The following RAB31 variants were observed in gnomAD, a reference collection of about 807,000 sequenced individuals.
The protein encoded by RAB31 is RAB31, member RAS oncogene family, also known as ras-related protein Rab-31.
Under a neutral mutation model 25.6 loss-of-function variants are expected in RAB31, and 21 were observed. The observed-to-expected ratio is 0.82, with a 90% CI of 0.58 to 1.18. The LOEUF is 1.18. Ranked by LOEUF, RAB31 falls within the 50% of genes most tolerant of loss-of-function variation. The probability of loss-of-function intolerance (pLI) is 0.00; values close to 1 mark genes in which losing one functional copy is unlikely to be tolerated. For missense variants in RAB31, 196 were observed against 250.1 expected (o/e 0.78, Z 1.46); for synonymous variants, 87 against 84.0 (o/e 1.04, Z -0.20).
chr18:9,840,033 C>T (rs1301169675), intron 5 of RAB31, among the ~76,000 whole-genome samples: 4 of 152,168 alleles, frequency 2.6e-5, no homozygotes, highest in Non-Finnish European at 5.9e-5. Flanking sequence ...AGCTGGCCAC[C>T]GCTGCTGCTT....
rs768948735 is a variant in RAB31, at chr18:9,708,462, C to A, written c.39+18C>A. 6.4e-7 allele frequency: 1 copy of A among 1,552,956 alleles called. No homozygotes were observed. Among genetic ancestry groups the A allele is most frequent in the Non-Finnish European group, 8.7e-7 (1 of 1,151,238 alleles). The stretch of plus-strand genomic sequence containing the variant: ...TTCTCGGGGTGAGTCCTGGCCGCCA[C>A]CCGCCGGCGGACCCCGGCCCGCGCT... On this transcript the variant is annotated intron_variant, in intron 1 of 6. Coordinates refer to ENST00000578921, the MANE Select transcript of RAB31 (RefSeq NM_006868.4). This position sits in a 1 kb window ranked among gnomAD's most constrained non-coding sequence, Gnocchi z 6.4.
rs534686014 is a variant in RAB31 at position 9,740,671 on chromosome 18, C to T, written c.39+32227C>T. Among the ~76,000 whole-genome samples the T allele has an allele frequency of 2.0e-5, 3 of 152,124 alleles. No individual in the cohort carries two copies. The East Asian group carries it at 5.8e-4, about 30-fold the overall frequency. On this transcript the variant is annotated intron_variant, in intron 1 of 6. Coordinates refer to ENST00000578921, the MANE Select transcript of RAB31 (RefSeq NM_006868.4). ...GAGGTTGCAGTGAGCCAAGATTGCA[C>T]CACTGCACTCCAGCCTGGGCAACAG...
chr18:9,711,275 C>T (rs1252822022), intron 1 of RAB31, among the ~76,000 whole-genome samples: 5 of 152,194 alleles, frequency 3.3e-5, no homozygotes, highest in African/African-American at 1.2e-4. Flanking sequence ...CCCTCCAACT[C>T]CTGGGCTCAG....
intron 2 of RAB31, among the ~76,000 whole-genome samples, chr18:9,780,209 A>G (rs1209838912): frequency 6.6e-6 from 1 of 152,106 alleles, no homozygotes; most frequent in Non-Finnish European, 1.5e-5. Flanking sequence ...TTCACTCTAA[A>G]AAAAACCCAA....
At chr18:9,849,029 G>A (rs867192379) in intron 6 of RAB31, among the ~76,000 whole-genome samples, 1 of 152,082 alleles carries the variant, frequency 6.6e-6, no homozygotes, top group Non-Finnish European at 1.5e-5. Context: ...CGTCTGATTG[G>A]TATTCCTCCA....
chr18:9,747,633 T>A (rs8085665), intron 1 of RAB31, among the ~76,000 whole-genome samples: 140,098 of 152,292 alleles, frequency 0.92, 64,609 homozygotes, highest in Admixed American at 0.94. Flanking sequence ...GTGTGATTCC[T>A]TTCATAGGGC....
intron 3 of RAB31, among the ~76,000 whole-genome samples, chr18:9,792,807 C>T (rs2068467802): frequency 6.6e-6 from 1 of 152,096 alleles, no homozygotes; most frequent in South Asian, 2.1e-4. Context: ...GGGCTGGTGT[C>T]AGCCCCACCT....
At chr18:9,833,907 C>G (rs1444838048) in intron 5 of RAB31, among the ~76,000 whole-genome samples, 4 of 152,178 alleles carry the variant, frequency 2.6e-5, no homozygotes, top group African/African-American at 9.7e-5. Flanking sequence ...CATCCATTGA[C>G]TGTATCAGAT....
At chr18:9,724,292 A>C (rs369832434) in intron 1 of RAB31, among the ~76,000 whole-genome samples, 10,498 of 143,194 alleles carry the variant, frequency 0.073, 967 homozygotes, top group African/African-American at 0.19. Context: ...AAAAAACAAA[A>C]AAAAAACATT....
intron 3 of RAB31, among the ~76,000 whole-genome samples, chr18:9,801,753 C>A (rs551238934): frequency 6.6e-6 from 1 of 152,150 alleles, no homozygotes; most frequent in Non-Finnish European, 1.5e-5. Flanking sequence ...CTTGTCTTTG[C>A]CTAACCTAAG....
At position 9,802,062 on chromosome 18, in the gene RAB31, T is replaced by A. The variant is rs942507190; in HGVS notation, c.201+9827T>A. On this transcript the variant is annotated intron_variant, in intron 3 of 6. Transcript: ENST00000578921. ...TTTTTCTCCTTATGCCAATACCACA[T>A]TGTCTTGATTACTGTAGCTTTGTAG... Among the ~76,000 whole-genome samples the A allele has an allele frequency of 1.2e-4, 18 of 152,316 alleles. No homozygotes were observed. The East Asian group carries it at 3.3e-3, about 28-fold the overall frequency.
intron 2 of RAB31, among the ~76,000 whole-genome samples, chr18:9,791,112 T>C (rs2068457376): frequency 6.6e-6 from 1 of 152,216 alleles, no homozygotes; most frequent in African/African-American, 2.4e-5. Context: ...TGTGTTAAGC[T>C]GCCAATCATC....
chr18:9,765,150 G>T (rs1410063765), intron 1 of RAB31, among the ~76,000 whole-genome samples: 1 of 152,030 alleles, frequency 6.6e-6, no homozygotes, highest in African/African-American at 2.4e-5. Flanking sequence ...ACAGGGTTTT[G>T]CCATGTTGGC....
At chr18:9,741,655 A>G (rs937255001) in intron 1 of RAB31, among the ~76,000 whole-genome samples, 1 of 152,140 alleles carries the variant, frequency 6.6e-6, no homozygotes, top group East Asian at 1.9e-4. Context: ...CAGCACGTAC[A>G]TGTCCATGGC....
At chr18:9,791,120 A>T (rs6506701) in intron 2 of RAB31, among the ~76,000 whole-genome samples, 141,401 of 152,238 alleles carry the variant, frequency 0.93, 66,555 homozygotes, top group East Asian at 1. Flanking sequence ...GCTGCCAATC[A>T]TCGTCCTTGC....
chr18:9,809,344 A>T (rs1191485029), intron 3 of RAB31, among the ~76,000 whole-genome samples: 3 of 152,236 alleles, frequency 2.0e-5, no homozygotes, highest in African/African-American at 7.2e-5. Flanking sequence ...TGATCACGCG[A>T]GGTCCCTAGA....
intron 1 of RAB31, among the ~76,000 whole-genome samples, chr18:9,753,302 C>A (rs2068244595): frequency 6.6e-6 from 1 of 151,900 alleles, no homozygotes; most frequent in Non-Finnish European, 1.5e-5. Context: ...ATGGGTTAAT[C>A]CATGACAGGA....
chr18:9,817,136 C>T (rs999234676), intron 5 of RAB31, among the ~76,000 whole-genome samples: 6 of 152,014 alleles, frequency 3.9e-5, no homozygotes, highest in Non-Finnish European at 8.8e-5. Flanking sequence ...CCAGCAGAAT[C>T]ACCTTAACCT....
At chr18:9,817,203 C>G (rs2068603378) in intron 5 of RAB31, among the ~76,000 whole-genome samples, 1 of 152,090 alleles carries the variant, frequency 6.6e-6, no homozygotes. Flanking sequence ...AGAGAAGGTG[C>G]TATCTCTAAA....
Sources: gnomAD v4.1 joint callset for allele counts (sites outside exome capture counted in the v4.1 genomes callset) on GRCh38, gnomAD v4.1.1 for gene constraint, Gnocchi (gnomAD v3.1) non-coding constraint, MANE v1.5 for transcripts, NCBI Gene and HGNC (gene_info 2026-07-23, HGNC 2026-07-21) for gene names.